Variants in ALK observed in about 807,000 individuals in gnomAD.
The protein encoded by ALK is ALK tyrosine kinase receptor.
A neutral mutation model predicts 163.1 loss-of-function variants in ALK; 74 were observed. That is an observed-to-expected ratio of 0.45 (90% CI 0.38 to 0.55). The LOEUF is 0.55. Among genes scored for constraint, ALK ranks in the 20% least tolerant of loss-of-function variants. The probability of loss-of-function intolerance (pLI) is 0.00; values close to 1 mark genes in which losing one functional copy is unlikely to be tolerated. For synonymous variants in ALK, 960 were observed against 843.2 expected, an observed-to-expected ratio of 1.14 and a Z score of -2.40; for missense variants, 2,063 against 2,105.3, an observed-to-expected ratio of 0.98 and a Z score of 0.39.
At chr2:29,382,005 C>T (rs1668909289) in intron 5 of ALK, among the ~76,000 whole-genome samples, 1 of 152,172 alleles carries the variant, frequency 6.6e-6, no homozygotes, top group South Asian at 2.1e-4. Context: ...CCTTGTTGAC[C>T]ACAGGCGGTC....
At chr2:29,258,671 T>C (rs2339379) in intron 11 of ALK, among the ~76,000 whole-genome samples, 105,022 of 152,176 alleles carry the variant, frequency 0.69, 36,489 homozygotes, top group East Asian at 0.8. Context: ...CAATTACTAT[T>C]CTCTGAAAGC....
chr2:29,858,179 C>T (rs1045645568), intron 1 of ALK, among the ~76,000 whole-genome samples: 2 of 152,160 alleles, frequency 1.3e-5, no homozygotes, highest in African/African-American at 4.8e-5. Flanking sequence ...ACAAGAATCC[C>T]TCCTGTTGCC....
intron 8 of ALK, among the ~76,000 whole-genome samples, chr2:29,315,570 C>A (rs903760420): frequency 1.3e-5 from 2 of 152,140 alleles, no homozygotes; most frequent in African/African-American, 2.4e-5. Flanking sequence ...AGTTTCAGTG[C>A]ACCTCCAAAT....
chr2:29,831,319 A>AGAAGAAGAAGAAGAAGAG (rs1665414714), intron 1 of ALK, among the ~76,000 whole-genome samples: 1 of 147,236 alleles, frequency 6.8e-6, no homozygotes, highest in Non-Finnish European at 1.5e-5. Context: ...AAGAAGAAGA[A>AGAAGAAGAAGAAGAAGAG]GAAATGTAGA....
chr2:29,760,969 T>A lies in ALK; in HGVS notation c.668-43272A>T, dbSNP rs116612576. ...CTTCTGTCCCAAGGAAAGAAACAAC[T>A]GCCTGGGGCTGTAGACTTCTCAGGA... On this transcript the variant is annotated intron_variant, in intron 1 of 28. Coordinates refer to ENST00000389048, the MANE Select transcript of ALK (RefSeq NM_004304.5). 5.4e-3 allele frequency among the ~76,000 whole-genome samples: 822 copies of A among 152,226 alleles called. 10 individuals are homozygous for A. The highest frequency in any genetic ancestry group is 0.019 in the African/African-American group (784 of 41,534).
intron 1 of ALK, among the ~76,000 whole-genome samples, chr2:29,744,653 T>A (rs761975002): frequency 6.6e-6 from 1 of 152,050 alleles, no homozygotes; most frequent in African/African-American, 2.4e-5. Flanking sequence ...CAGGCCAGAG[T>A]GCAGTGTTTC....
In ALK at chr2:29,631,962, C is replaced by G. The variant is rs144494847; in HGVS notation, c.952+62888G>C. Among the ~76,000 whole-genome samples, 4 of 152,346 alleles carry G rather than the reference C, an allele frequency of 2.6e-5. No individual in the cohort carries two copies. The East Asian group carries it at 7.7e-4, about 29-fold the overall frequency. On this transcript the variant is annotated intron_variant, in intron 3 of 28. Coordinates refer to ENST00000389048, the MANE Select transcript of ALK (RefSeq NM_004304.5). ...CACATGTATCATTCGATCATTGTAA[C>G]TCTTGGAGGCAGAATAGGGATTGCT... is the stretch of plus-strand genomic sequence containing the variant.
At chr2:29,867,966 A>G (rs1666478541) in intron 1 of ALK, among the ~76,000 whole-genome samples, 1 of 152,152 alleles carries the variant, frequency 6.6e-6, no homozygotes, top group African/African-American at 2.4e-5. Flanking sequence ...AAGGTTACAT[A>G]CAGAAGACAT....
intron 4 of ALK, among the ~76,000 whole-genome samples, chr2:29,472,056 T>G (rs892175884): frequency 2.0e-5 from 3 of 152,188 alleles, no homozygotes; most frequent in African/African-American, 7.2e-5. Context: ...GTTGATGACT[T>G]TCAAGGCAAG....
At chr2:29,201,485 T>G (rs78419352) in intron 26 of ALK, among the ~76,000 whole-genome samples, 2,014 of 152,148 alleles carry the variant, frequency 0.013, 43 homozygotes, top group African/African-American at 0.046. Flanking sequence ...CTGTTAACTC[T>G]ACATTCAAGA....
intron 12 of ALK, among the ~76,000 whole-genome samples, chr2:29,247,166 CT>C (rs558207520): frequency 6.7e-4 from 100 of 150,228 alleles, no homozygotes; most frequent in South Asian, 3.1e-3. Flanking sequence ...GCGGCAGCGC[CT>C]TTCCCCCGGC....
intron 1 of ALK, among the ~76,000 whole-genome samples, chr2:29,796,001 C>T (rs1471776334): frequency 6.6e-6 from 1 of 152,144 alleles, no homozygotes; most frequent in Non-Finnish European, 1.5e-5. Flanking sequence ...CCTAATCTCT[C>T]TCTATGAGGT....
intron 1 of ALK, among the ~76,000 whole-genome samples, chr2:29,729,121 G>A (rs557147724): frequency 2.0e-5 from 3 of 152,296 alleles, no homozygotes; most frequent in African/African-American, 7.2e-5. Flanking sequence ...CTAAACCTCA[G>A]CCTCCCCTCG....
chr2:29,257,510 T>C (rs1345410890), intron 11 of ALK, among the ~76,000 whole-genome samples: 1 of 152,226 alleles, frequency 6.6e-6, no homozygotes, highest in African/African-American at 2.4e-5. Context: ...GTCCTGGTTT[T>C]ATTACTGTTG....
At chr2:29,717,790 G>A in intron 1 of ALK, 93 bp from the exon 2 acceptor site, 1 of 1,551,776 alleles carries the variant, frequency 6.4e-7, no homozygotes. Flanking sequence ...AGTTTATAAG[G>A]GGCTTTCATG....
At chr2:29,312,398 G>A (rs1666720471) in intron 8 of ALK, among the ~76,000 whole-genome samples, 1 of 151,920 alleles carries the variant, frequency 6.6e-6, no homozygotes, top group African/African-American at 2.4e-5. Context: ...CTAGAAAGTG[G>A]GGGGGCTTCC....
intron 1 of ALK, among the ~76,000 whole-genome samples, chr2:29,841,507 A>G (rs1665697658): frequency 6.6e-6 from 1 of 152,222 alleles, no homozygotes; most frequent in African/African-American, 2.4e-5. Flanking sequence ...GAAGGATAAT[A>G]ACCAGTACTG....
intron 1 of ALK, among the ~76,000 whole-genome samples, chr2:29,897,854 A>T (rs1328296315): frequency 1.3e-5 from 2 of 152,096 alleles, no homozygotes; most frequent in Non-Finnish European, 2.9e-5. Context: ...GGCCCATGTT[A>T]TATTTCCTCA....
At position 29,227,216 on chromosome 2, in the gene ALK, G is replaced by T; in HGVS notation, c.2915-142C>A. 2 of 1,091,618 alleles carry T rather than the reference G, an allele frequency of 1.8e-6. No individual in the cohort carries two copies. The highest frequency in any genetic ancestry group is 2.8e-6 in the Non-Finnish European group (2 of 721,444). 67.6% of individuals were successfully genotyped at this position (1,091,618 alleles called of 1,614,324 possible). ...CCATAGCCACTGGAAGCACAACTGT[G>T]TAGAAGAGTCTTCCTGTGCATATAG... On this transcript the variant is annotated intron_variant, in intron 17 of 28. Transcript: ENST00000389048. This position sits in a 1 kb window ranked among gnomAD's most constrained non-coding sequence, Gnocchi z 4.4.
Sources: gnomAD v4.1 joint callset for allele counts (sites outside exome capture counted in the v4.1 genomes callset) on GRCh38, gnomAD v4.1.1 for gene constraint, Gnocchi (gnomAD v3.1) non-coding constraint, MANE v1.5 for transcripts, NCBI Gene and HGNC (gene_info 2026-07-23, HGNC 2026-07-21) for gene names.